The following MCTP2 variants were observed in gnomAD, a reference collection of about 807,000 sequenced individuals.
The protein encoded by MCTP2 is multiple C2 and transmembrane domain-containing protein 2.
In MCTP2, 132 loss-of-function variants were observed where a neutral mutation model predicts 111.6. The observed-to-expected ratio is 1.18, with a 90% CI of 1.03 to 1.37. The LOEUF is 1.37. Among genes scored for constraint, MCTP2 ranks in the 40% most tolerant of loss-of-function variants. MCTP2 has a pLI of 0.00. For missense variants in MCTP2, 1,183 were observed against 1,067.9 expected, an observed-to-expected ratio of 1.11 and a Z score of -1.50; for synonymous variants, 395 against 387.7, an observed-to-expected ratio of 1.02 and a Z score of -0.22.
At chr15:94,442,878 T>G (rs1375343293) in intron 18 of MCTP2, 41 bp from the exon 19 acceptor site, 1 of 1,565,622 alleles carries the variant, frequency 6.4e-7, no homozygotes, top group Non-Finnish European at 8.8e-7. Context: ...ATTTGTTAAT[T>G]TCGGTTGATG....
chr15:94,401,306 A>C (rs921911780), intron 16 of MCTP2, among the ~76,000 whole-genome samples: 1 of 152,164 alleles, frequency 6.6e-6, no homozygotes, highest in African/African-American at 2.4e-5. Context: ...AAGCTTTTTC[A>C]TTCTCTCAAC....
intron 19 of MCTP2, among the ~76,000 whole-genome samples, chr15:94,449,025 C>T (rs746094046): frequency 3.3e-5 from 5 of 152,060 alleles, no homozygotes; most frequent in African/African-American, 7.2e-5. Flanking sequence ...GGCGACAGAG[C>T]GAGACTCCAT....
intron 19 of MCTP2, among the ~76,000 whole-genome samples, chr15:94,451,425 A>G (rs2084456844): frequency 6.6e-6 from 1 of 152,218 alleles, no homozygotes; most frequent in Non-Finnish European, 1.5e-5. Flanking sequence ...ATTTTTTCAC[A>G]TTTGTAACGA....
intron 8 of MCTP2, among the ~76,000 whole-genome samples, chr15:94,347,884 TCACACACACACAGACATA>T (rs2078068496): frequency 1.4e-5 from 2 of 141,730 alleles, no homozygotes; most frequent in South Asian, 4.6e-4. Flanking sequence ...TCTCTCTCTC[TCACACACACACAGACATA>T]CACACACACA....
intron 17 of MCTP2, among the ~76,000 whole-genome samples, chr15:94,433,323 A>G (rs1420176140): frequency 1.3e-5 from 2 of 152,206 alleles, no homozygotes; most frequent in Non-Finnish European, 2.9e-5. Flanking sequence ...CTGAAAATTT[A>G]AGGCGATTTT....
chr15:94,263,971 A>C (rs745963202), intron 1 of MCTP2, among the ~76,000 whole-genome samples: 13 of 152,210 alleles, frequency 8.5e-5, no homozygotes, highest in Non-Finnish European at 1.5e-4. Flanking sequence ...AGATATGAGT[A>C]GATTCAAATT....
intron 17 of MCTP2, among the ~76,000 whole-genome samples, chr15:94,413,925 A>G (rs775561436): frequency 2.0e-5 from 3 of 152,134 alleles, no homozygotes; most frequent in Non-Finnish European, 4.4e-5. Context: ...TTGTGACTAT[A>G]TATATTCATT....
chr15:94,244,998 A>G (rs141670251), intron 1 of MCTP2, among the ~76,000 whole-genome samples: 2,615 of 148,776 alleles, frequency 0.018, 54 homozygotes, highest in Non-Finnish European at 0.027. Flanking sequence ...CTGTTTATAT[A>G]CGTATATGTA....
At chr15:94,258,078 G>A (rs1180464667) in intron 1 of MCTP2, among the ~76,000 whole-genome samples, 5 of 122,226 alleles carry the variant, frequency 4.1e-5, no homozygotes, top group Non-Finnish European at 8.3e-5. Flanking sequence ...GTTTTACCAT[G>A]TAGGCCAGGC....
At chr15:94,286,458 T>G (rs1378785806) in intron 1 of MCTP2, among the ~76,000 whole-genome samples, 1 of 152,220 alleles carries the variant, frequency 6.6e-6, no homozygotes, top group East Asian at 1.9e-4. Flanking sequence ...TGACACATTC[T>G]GACTAGTGAC....
chr15:94,324,945 T>C (rs2076790793), intron 4 of MCTP2, among the ~76,000 whole-genome samples: 1 of 152,236 alleles, frequency 6.6e-6, no homozygotes, highest in African/African-American at 2.4e-5. Context: ...GAACTCTGTA[T>C]TGTATACTGA....
At chr15:94,362,064 TG>T (rs1170874177) in intron 10 of MCTP2, among the ~76,000 whole-genome samples, 1 of 152,050 alleles carries the variant, frequency 6.6e-6, no homozygotes, top group South Asian at 2.1e-4. Context: ...ACACTGGGGT[TG>T]GTGAGATGAA....
At position 94,339,511 on chromosome 15, in the gene MCTP2, A is replaced by G. The variant is rs1596402069; in HGVS notation, c.780+79A>G. On this transcript the variant is annotated intron_variant, in intron 5 of 22. Coordinates refer to ENST00000357742, the MANE Select transcript of MCTP2 (RefSeq NM_001385001.1). ...GTTTCTCATGTCCTCTTAGACGTGA[A>G]CTTGCCAAAATTAATTCTTTTATTA... 2.9e-6 allele frequency: 3 copies of G among 1,039,192 alleles called. No homozygotes were observed. The East Asian group carries it at 7.5e-5, about 26-fold the overall frequency. 64.4% of individuals were successfully genotyped at this position (1,039,192 alleles called of 1,614,324 possible).
intron 3 of MCTP2, chr15:94,314,727 G>A (rs1241272617): frequency 2.1e-6 from 1 of 466,236 alleles, no homozygotes; most frequent in African/African-American, 2.0e-5. Flanking sequence ...TCCCTTTAAG[G>A]ACAGTCAAAA....
At chr15:94,234,679 G>A (rs1159584348) in intron 1 of MCTP2, among the ~76,000 whole-genome samples, 1 of 152,162 alleles carries the variant, frequency 6.6e-6, no homozygotes, top group Non-Finnish European at 1.5e-5. Flanking sequence ...TTCCAGGTTG[G>A]TTTGTTTCTC....
intron 8 of MCTP2, among the ~76,000 whole-genome samples, chr15:94,352,257 G>T (rs2078346887): frequency 6.6e-6 from 1 of 152,198 alleles, no homozygotes; most frequent in Non-Finnish European, 1.5e-5. Context: ...CCTCGGGATG[G>T]TCTTGAACGA....
Position 94,448,329 on chromosome 15 carries a change from G to GTATAT in MCTP2, c.2250+5373_2250+5377dup, listed in dbSNP as rs941295540. On this transcript the variant is annotated intron_variant, in intron 19 of 22. Coordinates refer to ENST00000357742, the MANE Select transcript of MCTP2 (RefSeq NM_001385001.1). Reference sequence around the variant, plus strand: ...TCTGATTTCTATTCTAAGGATTGTAGTATATTATTCTCAAATATTATGAAA... The same window carrying GTATAT: ...TCTGATTTCTATTCTAAGGATTGTAGTATATTATATTATTCTCAAATATTATGAAA... 2.2e-4 allele frequency among the ~76,000 whole-genome samples: 34 copies of GTATAT among 152,222 alleles called. 1 individual carries two copies. The highest frequency in any genetic ancestry group is 7.2e-4 in the Admixed American group (11 of 15,284).
In MCTP2 at chr15:94,384,102, G is replaced by T; in HGVS notation, c.1663G>T (p.Glu555Ter). ...THTVYKNLNPEWNKVFTFPIK... is the reference protein window; with the variant it reads ...THTVYKNLNP ...TACCGTCTACAAAAACCTCAACCCT[G>T]AATGGAACAAAGTTTTTACATTGTA... is the stretch of plus-strand genomic sequence containing the variant. The change falls in exon 13 of 23, where the codon GAA becomes TAA. Residue 555 changes from glutamate (E) to a stop codon, truncating the protein, a stop_gained. Transcript: ENST00000357742. LOFTEE classifies it high-confidence loss of function. The T allele has an allele frequency of 6.2e-7, 1 of 1,613,498 alleles. No homozygotes were observed. The highest frequency in any genetic ancestry group is 8.5e-7 in the Non-Finnish European group (1 of 1,179,664).
chr15:94,291,828 A>G (rs1038972424), intron 1 of MCTP2, among the ~76,000 whole-genome samples: 2 of 152,098 alleles, frequency 1.3e-5, no homozygotes, highest in Non-Finnish European at 2.9e-5. Flanking sequence ...CTTTCTCTCT[A>G]TGTTTGGACA....
Sources: gnomAD v4.1 joint callset for allele counts (sites outside exome capture counted in the v4.1 genomes callset) on GRCh38, gnomAD v4.1.1 for gene constraint, MANE v1.5 for transcripts, NCBI Gene and HGNC (gene_info 2026-07-23, HGNC 2026-07-21) for gene names.